NAV3: variants seen among roughly 807,000 people sequenced by gnomAD.
The protein encoded by NAV3 is neuron navigator 3, also known as pore membrane and/or filament interacting like protein 1.
Under a neutral mutation model 244.7 loss-of-function variants are expected in NAV3, and 87 were observed. The ratio of observed to expected loss-of-function variants is 0.36; its 90% confidence interval spans 0.30 to 0.42. The LOEUF (loss-of-function observed/expected upper bound fraction) is 0.42. Ranked by LOEUF, NAV3 falls within the 20% of genes least tolerant of loss-of-function variation. The probability of loss-of-function intolerance (pLI) is 1.00; values close to 1 mark genes in which losing one functional copy is unlikely to be tolerated. For missense variants in NAV3, 2,663 were observed against 2,893.3 expected, an observed-to-expected ratio of 0.92 and a Z score of 1.83; for synonymous variants, 1,126 against 1,042.2, an observed-to-expected ratio of 1.08 and a Z score of -1.55.
chr12:77,949,669 T>A (rs2137621833), intron 3 of NAV3, among the ~76,000 whole-genome samples: 1 of 152,186 alleles, frequency 6.6e-6, no homozygotes, highest in East Asian at 1.9e-4. Flanking sequence ...GTAGTATATT[T>A]GTTATAATTA....
At chr12:77,783,564 AG>A (rs1391256185) in intron 2 of NAV3, 2 of 152,350 alleles carry the variant, frequency 1.3e-5, no homozygotes, top group Admixed American at 1.3e-4. Flanking sequence ...GAGTAAATAA[AG>A]TGATATGAGA....
chr12:77,944,768 A>G (rs904463460), intron 3 of NAV3, among the ~76,000 whole-genome samples: 3 of 152,150 alleles, frequency 2.0e-5, no homozygotes, highest in African/African-American at 7.2e-5. Context: ...GGAGTCAGGA[A>G]AGGGAAAGAG....
intron 2 of NAV3, among the ~76,000 whole-genome samples, chr12:77,604,128 G>A (rs1870564777): frequency 6.6e-6 from 1 of 152,018 alleles, no homozygotes; most frequent in African/African-American, 2.4e-5. Context: ...ACTCACTAAG[G>A]ATAAATATGA....
chr12:77,747,778 C>T (rs1352449039), intron 2 of NAV3, among the ~76,000 whole-genome samples: 1 of 151,580 alleles, frequency 6.6e-6, no homozygotes, highest in Admixed American at 6.6e-5. Context: ...CAAACTATTG[C>T]AAAGACAAAA....
chr12:78,120,048 T>A, intron 15 of NAV3, 103 bp downstream of exon 15: 1 of 731,400 alleles, frequency 1.4e-6, no homozygotes, highest in Non-Finnish European at 1.9e-6. Context: ...TAAATATGTA[T>A]AAGGTATATA....
intron 8 of NAV3, among the ~76,000 whole-genome samples, chr12:78,016,614 A>T (rs1459816591): frequency 1.3e-5 from 2 of 152,188 alleles, no homozygotes; most frequent in African/African-American, 4.8e-5. Flanking sequence ...GTGGTTTTTG[A>T]AAGATATGTG....
At chr12:77,702,831 A>G (rs1038787772) in intron 2 of NAV3, among the ~76,000 whole-genome samples, 7 of 28,960 alleles carry the variant, frequency 2.4e-4, no homozygotes, top group Non-Finnish European at 8.6e-4. Context: ...AATAGATAGT[A>G]TTTTGTATTT....
chr12:77,743,304 T>G (rs1234468415), intron 2 of NAV3, among the ~76,000 whole-genome samples: 2 of 152,044 alleles, frequency 1.3e-5, no homozygotes, highest in Middle Eastern at 3.4e-3. Flanking sequence ...AGTAGGCTAA[T>G]ATTAGTTAAT....
chr12:78,050,000 C>T lies in NAV3; in HGVS notation c.2031C>T (p.Asp677=), dbSNP rs1239619059. Residue 677 remains aspartate (D), a synonymous_variant, in exon 10 of 40, where the codon GAC becomes GAT. Transcript: ENST00000397909. ...KQCLEEISGE[D]PETRRMRTVK... ...ATCATATTGCTTTCCTAGGTGAAGA[C>T]CCTGAAACAAGAAGAATGAGAACAG... The T allele has an allele frequency of 6.2e-7, 1 of 1,608,276 alleles. No individual in the cohort carries two copies.
At chr12:77,610,603 T>C (rs995896181) in intron 2 of NAV3, among the ~76,000 whole-genome samples, 1 of 152,108 alleles carries the variant, frequency 6.6e-6, no homozygotes, top group African/African-American at 2.4e-5. Context: ...CACAGAGCTG[T>C]AATTCTGTGG....
chr12:78,030,179 G>A (rs754420429), intron 9 of NAV3, among the ~76,000 whole-genome samples: 26 of 151,994 alleles, frequency 1.7e-4, no homozygotes, highest in Admixed American at 1.3e-4. Context: ...TTCTGATAAG[G>A]GATATTAAGC....
At chr12:77,611,602 C>G (rs886108306) in intron 2 of NAV3, among the ~76,000 whole-genome samples, 2 of 151,824 alleles carry the variant, frequency 1.3e-5, no homozygotes, top group African/African-American at 2.4e-5. Context: ...CTAGAAGCAA[C>G]TATAGTTAAC....
chr12:77,662,550 A>G (rs1217875683), intron 2 of NAV3, among the ~76,000 whole-genome samples: 2 of 152,096 alleles, frequency 1.3e-5, no homozygotes, highest in Non-Finnish European at 2.9e-5. Flanking sequence ...ACTATATGCT[A>G]CTGGGAAACA....
At chr12:78,069,994 A>G (rs1008694560) in intron 12 of NAV3, among the ~76,000 whole-genome samples, 10 of 152,230 alleles carry the variant, frequency 6.6e-5, no homozygotes, top group African/African-American at 2.2e-4. Context: ...TAGATGATAA[A>G]ACCTTTTTAC....
intron 2 of NAV3, among the ~76,000 whole-genome samples, chr12:77,772,216 T>C (rs530421093): frequency 6.6e-6 from 1 of 152,278 alleles, no homozygotes; most frequent in South Asian, 2.1e-4. Context: ...AACTTAGACC[T>C]GGCTGATTTC....
chr12:77,900,128 G>C (rs530628125), intron 1 of NAV3, among the ~76,000 whole-genome samples: 2 of 149,750 alleles, frequency 1.3e-5, no homozygotes, highest in South Asian at 4.2e-4. Context: ...CCAGGCTGGA[G>C]TGCAGTGGCA....
intron 14 of NAV3, among the ~76,000 whole-genome samples, chr12:78,118,809 T>A (rs903052580): frequency 5.9e-5 from 9 of 152,302 alleles, no homozygotes; most frequent in Middle Eastern, 3.4e-3. Context: ...ATACTTTTTT[T>A]AAAAAGACTC....
intron 3 of NAV3, among the ~76,000 whole-genome samples, chr12:77,960,236 ATAT>A (rs1415001421): frequency 1.3e-5 from 2 of 149,428 alleles, no homozygotes; most frequent in African/African-American, 5.1e-5. Flanking sequence ...TTGACTACTA[ATAT>A]TATTTCCAAT....
At chr12:77,873,773 T>TATATATATATATATATATA (rs762527287) in intron 1 of NAV3, among the ~76,000 whole-genome samples, 2 of 128,622 alleles carry the variant, frequency 1.6e-5, no homozygotes, top group African/African-American at 2.9e-5. Context: ...TATATGTATA[T>TATATATATATATATATATA]AACAGCATAT....
Sources: allele counts gnomAD v4.1 joint callset (sites outside exome capture counted in the v4.1 genomes callset), GRCh38; gene constraint gnomAD v4.1.1; transcripts MANE v1.5; gene names NCBI Gene and HGNC (gene_info 2026-07-23, HGNC 2026-07-21).